RTKN2: variants seen among roughly 807,000 people sequenced by gnomAD.
RTKN2 encodes the protein rhotekin-2.
A neutral mutation model predicts 71.5 loss-of-function variants in RTKN2; 69 were observed. The ratio of observed to expected loss-of-function variants is 0.96; its 90% CI spans 0.79 to 1.18. The LOEUF is 1.18. Ranked by LOEUF, RTKN2 falls within the 50% of genes most tolerant of loss-of-function variation. The pLI is 0.00. For synonymous variants in RTKN2, 236 were observed against 236.5 expected (o/e 1.00, Z 0.02); for missense variants, 724 against 719.7 (o/e 1.01, Z -0.07).
intron 9 of RTKN2, among the ~76,000 whole-genome samples, chr10:62,211,430 T>C (rs1299617166): frequency 6.6e-6 from 1 of 152,194 alleles, no homozygotes; most frequent in Non-Finnish European, 1.5e-5. Context: ...GAATTATAGC[T>C]TGAGAACAGA....
intron 4 of RTKN2, among the ~76,000 whole-genome samples, chr10:62,240,367 T>C (rs889689412): frequency 7.2e-5 from 11 of 152,148 alleles, no homozygotes; most frequent in Non-Finnish European, 1.5e-4. Flanking sequence ...GGCTAAATCC[T>C]CATTATTGAG....
At chr10:62,222,168 G>A (rs1337786626) in intron 7 of RTKN2, among the ~76,000 whole-genome samples, 3 of 152,148 alleles carry the variant, frequency 2.0e-5, no homozygotes, top group Admixed American at 6.5e-5. Flanking sequence ...GCGAACAATG[G>A]TACAATCATA....
chr10:62,202,792 G>C (rs1404956668), intron 10 of RTKN2, among the ~76,000 whole-genome samples: 6 of 152,176 alleles, frequency 3.9e-5, no homozygotes, highest in African/African-American at 1.4e-4. Flanking sequence ...TCATCTAATA[G>C]TAGTTGATAT....
intron 7 of RTKN2, among the ~76,000 whole-genome samples, chr10:62,219,078 T>G (rs977705160): frequency 2.0e-5 from 3 of 152,200 alleles, no homozygotes; most frequent in Non-Finnish European, 4.4e-5. Context: ...CCCCTTCTTT[T>G]GCTGAACAAT....
rs761499209 is a variant in RTKN2 at position 62,204,816 on chromosome 10, T to C, written c.1186+41A>G. 6 of 1,424,396 alleles carry C rather than the reference T, an allele frequency of 4.2e-6. No individual in the cohort carries two copies. The Admixed American group carries it at 1.5e-4, about 35-fold the overall frequency. The allele number at this position is 1,424,396 out of a possible 1,614,324, so 88.2% of individuals were successfully genotyped here. A position where few individuals can be genotyped will look rare whatever the true frequency, so the allele number is the denominator to read the frequency against. ...GATTGCTGTGCACATCCTTTTAGGC[T>C]ACATAAATACACAACTAAAAAAATC... On this transcript the variant is annotated intron_variant, in intron 10 of 11. Coordinates refer to ENST00000373789, the MANE Select transcript of RTKN2 (RefSeq NM_145307.4).
intron 6 of RTKN2, among the ~76,000 whole-genome samples, chr10:62,229,263 G>C (rs780407658): frequency 7.2e-5 from 11 of 152,146 alleles, no homozygotes; most frequent in Non-Finnish European, 1.6e-4. Flanking sequence ...GGAAATGTGG[G>C]ATATGGTGGA....
At chr10:62,229,260 T>C (rs1842098462) in intron 6 of RTKN2, among the ~76,000 whole-genome samples, 1 of 152,092 alleles carries the variant, frequency 6.6e-6, no homozygotes, top group Non-Finnish European at 1.5e-5. Flanking sequence ...CCTGGAAATG[T>C]GGGATATGGT....
chr10:62,263,088 A>G (rs1842804150), intron 1 of RTKN2, among the ~76,000 whole-genome samples: 1 of 152,216 alleles, frequency 6.6e-6, no homozygotes, highest in Non-Finnish European at 1.5e-5. Flanking sequence ...AACTATACGA[A>G]GTTTAATAGC....
chr10:62,250,176 T>C (rs1842552805), intron 2 of RTKN2, among the ~76,000 whole-genome samples: 1 of 152,188 alleles, frequency 6.6e-6, no homozygotes, highest in African/African-American at 2.4e-5. Context: ...AACTTGGGAT[T>C]TCCCCTAGAA....
downstream of RTKN2, among the ~76,000 whole-genome samples, chr10:62,190,285 G>T (rs1841200334): frequency 1.3e-5 from 2 of 152,044 alleles, no homozygotes; most frequent in Non-Finnish European, 1.5e-5. Context: ...AGAGGCTGTT[G>T]GTATACTGAG....
chr10:62,184,454 C>T, intron 8 of RTKN2: 1 of 775,688 alleles, frequency 1.3e-6, no homozygotes, highest in Non-Finnish European at 2.1e-6. Context: ...AAGTCACCAC[C>T]AATCAGAATC....
chr10:62,202,624 T>C (rs1220423852), intron 10 of RTKN2, among the ~76,000 whole-genome samples: 2 of 152,208 alleles, frequency 1.3e-5, no homozygotes, highest in Admixed American at 6.5e-5. Flanking sequence ...AAAAAAGCAT[T>C]AAATACCAAA....
intron 2 of RTKN2, chr10:62,259,208 C>T (rs753241155): frequency 3.5e-5 from 16 of 453,430 alleles, no homozygotes; most frequent in South Asian, 1.2e-4. Flanking sequence ...GCTTCTCCTT[C>T]GCCTTCTGCC....
chr10:62,230,983 A>G (rs992432996), intron 6 of RTKN2, among the ~76,000 whole-genome samples: 1 of 152,190 alleles, frequency 6.6e-6, no homozygotes, highest in African/African-American at 2.4e-5. Context: ...ATAATAGTTG[A>G]GTAACTTCTT....
At chr10:62,240,043 A>C (rs1256275964) in intron 4 of RTKN2, among the ~76,000 whole-genome samples, 1 of 152,108 alleles carries the variant, frequency 6.6e-6, no homozygotes, top group Non-Finnish European at 1.5e-5. Flanking sequence ...TATTCCTATT[A>C]AACTTCTTAA....
intron 9 of RTKN2, among the ~76,000 whole-genome samples, chr10:62,216,691 T>G (rs1448991564): frequency 6.6e-6 from 1 of 152,088 alleles, no homozygotes; most frequent in Non-Finnish European, 1.5e-5. Flanking sequence ...GTCAGAAGAC[T>G]GGACAATTGC....
Position 62,268,672 on chromosome 10 carries a change from C to G in RTKN2, c.-62G>C. On this transcript the variant is annotated 5_prime_UTR_variant, in exon 1 of 12. Coordinates refer to ENST00000373789, the MANE Select transcript of RTKN2 (RefSeq NM_145307.4). ...CAAAGGGAAGATTTGAAAAGCCCGCCCCTGGCAGGAGCCGCAGAGGACGCC... is the reference window on the plus strand; with the variant it reads ...CAAAGGGAAGATTTGAAAAGCCCGCGCCTGGCAGGAGCCGCAGAGGACGCC... The G allele has an allele frequency of 6.6e-7, 1 of 1,511,348 alleles. No individual in the cohort carries two copies. The highest frequency in any genetic ancestry group is 9.0e-7 in the Non-Finnish European group (1 of 1,116,694). The allele number at this position is 1,511,348 out of a possible 1,614,324, so 93.6% of individuals were successfully genotyped here.
At chr10:62,210,652 C>T (rs967877474) in intron 9 of RTKN2, among the ~76,000 whole-genome samples, 4 of 152,028 alleles carry the variant, frequency 2.6e-5, no homozygotes, top group African/African-American at 7.2e-5. Flanking sequence ...TTTATATATA[C>T]TCTAATGACA....
At position 62,236,233 on chromosome 10, in the gene RTKN2, C is replaced by T; in HGVS notation, c.519G>A (p.Lys173=). Residue 173 remains lysine, a synonymous_variant, in exon 6 of 12, where the codon AAG becomes AAA. Coordinates refer to ENST00000373789, the MANE Select transcript of RTKN2 (RefSeq NM_145307.4). ...FNEAGPDFQI[K]VEVYSCCTEE... Reference sequence around the variant, plus strand: ...CTGTACAGCAACTATACACTTCCACCTTTATCTGAAAGTCTGGCCCTGCTT... The same window carrying T: ...CTGTACAGCAACTATACACTTCCACTTTTATCTGAAAGTCTGGCCCTGCTT... The T allele has an allele frequency of 6.2e-7, 1 of 1,610,626 alleles. No individual in the cohort carries two copies. The highest frequency in any genetic ancestry group is 1.1e-5 in the South Asian group (1 of 90,804).
Sources: gnomAD v4.1 joint callset for allele counts (sites outside exome capture counted in the v4.1 genomes callset) on GRCh38, gnomAD v4.1.1 for gene constraint, MANE v1.5 for transcripts, NCBI Gene and HGNC (gene_info 2026-07-23, HGNC 2026-07-21) for gene names.